PCDH7: variants seen among roughly 807,000 people sequenced by gnomAD.
PCDH7 encodes the protein protocadherin-7.
In PCDH7, 17 loss-of-function variants were observed where a neutral mutation model predicts 58.9. The observed-to-expected ratio is 0.29, with a 90% CI of 0.20 to 0.43. The LOEUF (loss-of-function observed/expected upper bound fraction) is 0.43. Among genes scored for constraint, PCDH7 ranks in the 20% least tolerant of loss-of-function variants. The pLI, the probability that PCDH7 is intolerant of heterozygous loss-of-function variation, is 1.00. For missense variants in PCDH7, 1,274 were observed against 1,441.0 expected (o/e 0.88, Z 1.88); for synonymous variants, 664 against 616.4 (o/e 1.08, Z -1.14).
intron 2 of PCDH7, among the ~76,000 whole-genome samples, chr4:30,944,868 A>G (rs1277634198): frequency 2.0e-5 from 3 of 152,178 alleles, no homozygotes; most frequent in Admixed American, 2.0e-4. Flanking sequence ...TTTATAAAGG[A>G]CATAGTGGGT....
At chr4:30,927,005 T>C (rs888726172) in intron 2 of PCDH7, among the ~76,000 whole-genome samples, 1 of 152,182 alleles carries the variant, frequency 6.6e-6, no homozygotes, top group Admixed American at 6.5e-5. Flanking sequence ...CCTTTTATTC[T>C]AATTTGGTCC....
chr4:31,075,896 C>T (rs1346825760), intron 3 of PCDH7, among the ~76,000 whole-genome samples: 1 of 152,026 alleles, frequency 6.6e-6, no homozygotes, highest in East Asian at 1.9e-4. Context: ...AAGCAAAATT[C>T]AAACGACTTT....
Position 30,723,997 on chromosome 4 carries a change from A to G in PCDH7, c.2575A>G (p.Ile859Val). Reference sequence around the variant, plus strand: ...CTCCCAGATAGCTAGAAGTTTGCACATCCCACTCACCCAGGATATAGCTGG... The same window carrying G: ...CTCCCAGATAGCTAGAAGTTTGCACGTCCCACTCACCCAGGATATAGCTGG... The change falls in exon 1 of 2, where the codon ATC (isoleucine) becomes GTC (valine). Residue 859 changes from isoleucine to valine, a missense_variant. Transcript: ENST00000361762. The surrounding 1 kb of genome is among the most constrained non-coding windows in gnomAD (Gnocchi z 4.6). The G allele has an allele frequency of 6.2e-7, 1 of 1,614,186 alleles. No homozygotes were observed. The highest frequency in any genetic ancestry group is 8.5e-7 in the Non-Finnish European group (1 of 1,180,036).
intron 3 of PCDH7, among the ~76,000 whole-genome samples, chr4:30,970,295 C>G (rs1001806109): frequency 6.8e-6 from 1 of 147,964 alleles, no homozygotes; most frequent in African/African-American, 2.5e-5. Flanking sequence ...TTGAATGATA[C>G]CTTTTTTTTT....
intron 1 of PCDH7, among the ~76,000 whole-genome samples, chr4:30,905,479 A>G (rs865898203): frequency 1.3e-5 from 2 of 151,652 alleles, no homozygotes; most frequent in Admixed American, 6.6e-5. Flanking sequence ...ACAAAAAAAA[A>G]CCACAAAAAT....
At chr4:31,055,445 G>GT (rs1757078251) in intron 3 of PCDH7, among the ~76,000 whole-genome samples, 1 of 152,034 alleles carries the variant, frequency 6.6e-6, no homozygotes, top group Non-Finnish European at 1.5e-5. Flanking sequence ...AAAAAATCTA[G>GT]TTGTGTACCA....
At chr4:30,991,020 G>A (rs1375683846) in intron 3 of PCDH7, among the ~76,000 whole-genome samples, 1 of 152,082 alleles carries the variant, frequency 6.6e-6, no homozygotes, top group African/African-American at 2.4e-5. Flanking sequence ...TAGAAAAGGG[G>A]ATTCTATAGA....
At chr4:31,068,303 TA>T (rs113645985) in intron 3 of PCDH7, among the ~76,000 whole-genome samples, 40,052 of 142,656 alleles carry the variant, frequency 0.28, 5,598 homozygotes, top group African/African-American at 0.36. Flanking sequence ...AAAACTGCTC[TA>T]AAAAAAAAAA....
intron 3 of PCDH7, among the ~76,000 whole-genome samples, chr4:31,064,122 C>G (rs1249480215): frequency 6.6e-6 from 1 of 151,912 alleles, no homozygotes; most frequent in African/African-American, 2.4e-5. Flanking sequence ...GCACTGTTTT[C>G]AAAACAGAAA....
At chr4:31,101,466 C>A (rs995131840) in intron 3 of PCDH7, among the ~76,000 whole-genome samples, 12 of 152,208 alleles carry the variant, frequency 7.9e-5, no homozygotes, top group East Asian at 7.7e-4. Context: ...GCATGTGACA[C>A]AATGAAATAG....
intron 3 of PCDH7, among the ~76,000 whole-genome samples, chr4:31,082,828 A>G (rs557218589): frequency 1.1e-3 from 160 of 152,308 alleles, no homozygotes; most frequent in East Asian, 2.7e-3. Context: ...AGGGCCGGGC[A>G]CGGTGGCTCA....
intron 1 of PCDH7, among the ~76,000 whole-genome samples, chr4:30,777,973 G>A (rs527501678): frequency 6.6e-6 from 1 of 152,208 alleles, no homozygotes; most frequent in African/African-American, 2.4e-5. Flanking sequence ...GATTCTAGGT[G>A]TAGTTTGGCT....
intron 3 of PCDH7, among the ~76,000 whole-genome samples, chr4:31,054,202 G>A (rs139895458): frequency 0.019 from 2,868 of 152,260 alleles, 82 homozygotes; most frequent in African/African-American, 0.065. Flanking sequence ...CTGAGCTCAA[G>A]CAATCCACCT....
intron 1 of PCDH7, among the ~76,000 whole-genome samples, chr4:30,804,621 T>C (rs1361234479): frequency 6.6e-6 from 1 of 151,898 alleles, no homozygotes; most frequent in Non-Finnish European, 1.5e-5. Context: ...GCAGAAACAA[T>C]GCACCATCTT....
intron 1 of PCDH7, among the ~76,000 whole-genome samples, chr4:30,797,784 A>G (rs142648205): frequency 5.7e-4 from 87 of 152,288 alleles, no homozygotes; most frequent in African/African-American, 1.5e-3. Flanking sequence ...GATGCTGTAA[A>G]TTGGAAAATT....
intron 3 of PCDH7, among the ~76,000 whole-genome samples, chr4:31,051,550 T>C (rs565529657): frequency 5.0e-4 from 76 of 152,286 alleles, no homozygotes; most frequent in African/African-American, 1.8e-3. Flanking sequence ...AAGTTGCCAT[T>C]CTACAATTAT....
At chr4:31,114,919 T>C (rs1372714894) in intron 3 of PCDH7, among the ~76,000 whole-genome samples, 3 of 152,200 alleles carry the variant, frequency 2.0e-5, no homozygotes, top group Non-Finnish European at 4.4e-5. Context: ...AAAAGGGTTC[T>C]TTCTTGAAAT....
At chr4:30,986,479 A>G (rs1361585992) in intron 3 of PCDH7, among the ~76,000 whole-genome samples, 1 of 152,208 alleles carries the variant, frequency 6.6e-6, no homozygotes, top group Non-Finnish European at 1.5e-5. Flanking sequence ...ATTCACTATT[A>G]TATAGATATT....
rs1406002489 is a variant in PCDH7, at chr4:31,006,871, A to G, written c.*7+56656A>G. Among the ~76,000 whole-genome samples, 3 of 151,698 alleles carry G rather than the reference A, an allele frequency of 2.0e-5. 1 individual carries two copies. The East Asian group carries it at 5.8e-4, about 30-fold the overall frequency. On this transcript the variant is annotated intron_variant, in intron 3 of 3. Transcript: ENST00000509759. ...CACGCTACTGCACTCCAGCCTGGGC[A>G]ACAAGACTGAAACTTTGTCTCAAAA...
Sources: allele counts gnomAD v4.1 joint callset (sites outside exome capture counted in the v4.1 genomes callset), GRCh38; gene constraint gnomAD v4.1.1; non-coding constraint Gnocchi (gnomAD v3.1); transcripts MANE v1.5; gene names NCBI Gene and HGNC (gene_info 2026-07-23, HGNC 2026-07-21).